The following PPP5C variants were observed in gnomAD, a reference collection of about 807,000 sequenced individuals.
PPP5C encodes serine/threonine-protein phosphatase 5.
A neutral mutation model predicts 66.7 loss-of-function variants in PPP5C; 21 were observed. The ratio of observed to expected loss-of-function variants is 0.31; its 90% CI spans 0.22 to 0.45. The LOEUF is 0.45. Ranked by LOEUF, PPP5C falls within the 20% of genes least tolerant of loss-of-function variation. The pLI is 1.00. For missense variants in PPP5C, 464 were observed against 675.9 expected (o/e 0.69, Z 3.48); for synonymous variants, 246 against 257.4 (o/e 0.96, Z 0.43).
rs572051034 is a variant in PPP5C, at chr19:46,375,991, C to G, written c.511+240C>G. Among the ~76,000 whole-genome samples, 15 of 152,302 alleles carry G rather than the reference C, an allele frequency of 9.8e-5. 1 individual carries two copies. In the South Asian group the frequency reaches 3.1e-3, roughly 32 times the overall value. ...CCCTGCCATTTCACGGGCCCTTCCTCCGGGTAGTAGCACAGTCCCCACAGG... is the reference window on the plus strand; with the variant it reads ...CCCTGCCATTTCACGGGCCCTTCCTGCGGGTAGTAGCACAGTCCCCACAGG... On this transcript the variant is annotated intron_variant, in intron 3 of 12. Coordinates refer to ENST00000012443, the MANE Select transcript of PPP5C (RefSeq NM_006247.4).
Position 46,389,460 on chromosome 19 carries a change from C to CACACACAG in PPP5C, c.1356-590_1356-589insCACACAGA, listed in dbSNP as rs1568580025. Among the ~76,000 whole-genome samples the CACACACAG allele has an allele frequency of 5.0e-5, 6 of 120,804 alleles. No homozygotes were observed. The East Asian group carries it at 7.9e-4, about 16-fold the overall frequency. The allele number at this position is 120,804 out of a possible 152,430, so 79.3% of individuals were successfully genotyped here. Reference sequence around the variant, plus strand: ...ACACACACACACACACACACACACACAGTGTTGATCCCTTGCCCCCACCCG... The same window carrying CACACACAG: ...ACACACACACACACACACACACACACACACACAGAGTGTTGATCCCTTGCCCCCACCCG... On this transcript the variant is annotated intron_variant, in intron 11 of 12. Transcript: ENST00000012443.
In PPP5C at chr19:46,350,198, C is replaced by A. The variant is rs1601408265; in HGVS notation, c.121+2981C>A. ...GAGGCCAGACCAGGGCTGGGTGGGG[C>A]TGGAGGGTGAGAAGGGAGTGGCTGA... On this transcript the variant is annotated intron_variant, in intron 1 of 12. Coordinates refer to ENST00000012443, the MANE Select transcript of PPP5C (RefSeq NM_006247.4). 2.6e-5 allele frequency among the ~76,000 whole-genome samples: 4 copies of A among 152,144 alleles called. 1 individual carries two copies. Among genetic ancestry groups the A allele is most frequent in the Admixed American group, 2.6e-4 (4 of 15,284 alleles).
Position 46,390,968 on chromosome 19 carries a change from G to A in PPP5C, c.*622G>A, listed in dbSNP as rs2147413151. ...CGCTGGCCGGGCCCACCCAGCTCTG[G>A]GCTGACCGCCCAAGTGGCCTCTGCC... On this transcript the variant is annotated 3_prime_UTR_variant, in exon 13 of 13. Coordinates refer to ENST00000012443, the MANE Select transcript of PPP5C (RefSeq NM_006247.4). The A allele has an allele frequency of 8.3e-7, 1 of 1,200,242 alleles. No individual in the cohort carries two copies. Among genetic ancestry groups the A allele is most frequent in the Non-Finnish European group, 1.1e-6 (1 of 944,104 alleles). The allele number at this position is 1,200,242 out of a possible 1,614,324, so 74.3% of individuals were successfully genotyped here.
In PPP5C at chr19:46,383,918, C is replaced by A. The variant is rs1307669024; in HGVS notation, c.798+40C>A. 1.3e-6 allele frequency: 2 copies of A among 1,503,236 alleles called. No individual in the cohort carries two copies. The highest frequency in any genetic ancestry group is 3.3e-5 in the Admixed American group (2 of 59,812). The allele number at this position is 1,503,236 out of a possible 1,614,324, so 93.1% of individuals were successfully genotyped here. On this transcript the variant is annotated intron_variant, in intron 6 of 12. Transcript: ENST00000012443. The surrounding 1 kb of genome is among the most constrained non-coding windows in gnomAD (Gnocchi z 5.0). ...AGAGCCACCCTCTCCCCACCTCCAC[C>A]CCCAGCCGCAGCCTCAGGTCTGCAC...
At chr19:46,363,128 G>A (rs1474085381) in intron 2 of PPP5C, among the ~76,000 whole-genome samples, 1 of 144,590 alleles carries the variant, frequency 6.9e-6, no homozygotes. Context: ...CTAAAACGGT[G>A]AAACCCCGTC....
At chr19:46,361,293 C>CGTATTTTTT (rs1309298231) in intron 2 of PPP5C, among the ~76,000 whole-genome samples, 1 of 150,934 alleles carries the variant, frequency 6.6e-6, no homozygotes, top group Non-Finnish European at 1.5e-5. Context: ...CCACGCCCAG[C>CGTATTTTTT]GTATTTTTTG....
intron 6 of PPP5C, chr19:46,384,143 G>A (rs532612040): frequency 4.3e-4 from 216 of 499,720 alleles, no homozygotes; most frequent in Admixed American, 6.6e-4. Context: ...GCTTGTCTTC[G>A]TCTGCCTCAG....
intron 1 of PPP5C, among the ~76,000 whole-genome samples, chr19:46,347,635 G>A (rs73940682): frequency 1.4e-5 from 2 of 147,380 alleles, no homozygotes; most frequent in Non-Finnish European, 3.0e-5. Flanking sequence ...AATAGAGAAG[G>A]CAATCGTGGG....
chr19:46,375,525 CCCAGGG>C (rs1972676788), intron 2 of PPP5C, 73 bp from the exon 3 acceptor site: 1 of 1,565,670 alleles, frequency 6.4e-7, no homozygotes, highest in Non-Finnish European at 8.7e-7. Flanking sequence ...TTTCATGGAA[CCCAGGG>C]CTGGGCAGCC....
At position 46,388,014 on chromosome 19, in the gene PPP5C, G is replaced by A; in HGVS notation, c.1136-394G>A. Reference sequence around the variant, plus strand: ...GCGAGTGGGCAGGGCTGTGCTTTGAGGGCTGACATTGGACATGGGGTTCAC... The same window carrying A: ...GCGAGTGGGCAGGGCTGTGCTTTGAAGGCTGACATTGGACATGGGGTTCAC... On this transcript the variant is annotated intron_variant, in intron 9 of 12. Transcript: ENST00000012443. The surrounding 1 kb of genome is among the most constrained non-coding windows in gnomAD (Gnocchi z 4.9). 3.6e-6 allele frequency: 1 copy of A among 274,102 alleles called. No homozygotes were observed. The highest frequency in any genetic ancestry group is 7.0e-6 in the Non-Finnish European group (1 of 142,004). 17.0% of individuals were successfully genotyped at this position (274,102 alleles called of 1,614,324 possible).
At chr19:46,374,989 C>T (rs1351744636) in intron 2 of PPP5C, among the ~76,000 whole-genome samples, 1 of 152,194 alleles carries the variant, frequency 6.6e-6, no homozygotes, top group African/African-American at 2.4e-5. Flanking sequence ...TGTCCTGGGC[C>T]TCCCCAGAGT....
Position 46,383,941 on chromosome 19 carries a change from C to T in PPP5C, c.798+63C>T. On this transcript the variant is annotated intron_variant, in intron 6 of 12. Coordinates refer to ENST00000012443, the MANE Select transcript of PPP5C (RefSeq NM_006247.4). This position sits in a 1 kb window ranked among gnomAD's most constrained non-coding sequence, Gnocchi z 5.0. The stretch of plus-strand genomic sequence containing the variant: ...ACCCCCAGCCGCAGCCTCAGGTCTG[C>T]ACAGAGTGGGAGGAGCCCTTGCCAG... The T allele has an allele frequency of 7.3e-7, 1 of 1,370,752 alleles. No individual in the cohort carries two copies. Among genetic ancestry groups the T allele is most frequent in the Non-Finnish European group, 1.0e-6 (1 of 962,848 alleles). The allele number at this position is 1,370,752 out of a possible 1,614,324, so 84.9% of individuals were successfully genotyped here. A position where few individuals can be genotyped will look rare whatever the true frequency, so the allele number is the denominator to read the frequency against.
rs571739986 is a variant in PPP5C, at chr19:46,369,894, C to G, written c.364-5710C>G. On this transcript the variant is annotated intron_variant, in intron 2 of 12. Transcript: ENST00000012443. ...TGAGCCGAGATCAAGCCATTGCACT[C>G]CAGCCTGGGCAGCAGAGCGAGACTC... Among the ~76,000 whole-genome samples the G allele has an allele frequency of 2.7e-5, 4 of 149,248 alleles. No homozygotes were observed. The East Asian group carries it at 7.8e-4, about 29-fold the overall frequency.
At position 46,376,384 on chromosome 19, in the gene PPP5C, A is replaced by G; in HGVS notation, c.512-69A>G. 2 of 1,578,576 alleles carry G rather than the reference A, an allele frequency of 1.3e-6. No homozygotes were observed. The highest frequency in any genetic ancestry group is 8.6e-7 in the Non-Finnish European group (1 of 1,158,274). ...CACCCAAGTTTTCCCCATCCCTGGG[A>G]GCGAGACCCCCTTCTCCCTCATAGT... On this transcript the variant is annotated intron_variant, in intron 3 of 12. Transcript: ENST00000012443. This position sits in a 1 kb window ranked among gnomAD's most constrained non-coding sequence, Gnocchi z 5.1.
intron 2 of PPP5C, among the ~76,000 whole-genome samples, chr19:46,372,428 G>A (rs1016980957): frequency 6.6e-6 from 1 of 151,940 alleles, no homozygotes; most frequent in Admixed American, 6.6e-5. Flanking sequence ...GTCCAGGCTG[G>A]TCTTGAACTC....
At chr19:46,349,693 CTG>C (rs1000842765) in intron 1 of PPP5C, among the ~76,000 whole-genome samples, 59 of 152,090 alleles carry the variant, frequency 3.9e-4, no homozygotes, top group African/African-American at 1.4e-3. Context: ...CATGCAGAGA[CTG>C]GACTCCAGGG....
chr19:46,361,589 TA>T (rs935838226), intron 2 of PPP5C, among the ~76,000 whole-genome samples: 19,693 of 85,238 alleles, frequency 0.23, 1,930 homozygotes, highest in East Asian at 0.43. Flanking sequence ...TACTAAAAAT[TA>T]AAAAAAAAAA....
At chr19:46,355,964 G>A (rs541239954) in intron 2 of PPP5C, among the ~76,000 whole-genome samples, 68 of 152,270 alleles carry the variant, frequency 4.5e-4, no homozygotes, top group African/African-American at 1.6e-3. Flanking sequence ...TCTTCGTCAA[G>A]TGTGGGGCTG....
rs1973006671 is a variant in PPP5C at position 46,390,715 on chromosome 19, A to G, written c.*369A>G. The stretch of plus-strand genomic sequence containing the variant: ...CCCCGCCATAGGAAGACCCCCAGAG[A>G]GAGGGTCAGCAGGGGGGCCCCGCCT... On this transcript the variant is annotated 3_prime_UTR_variant, in exon 13 of 13. Coordinates refer to ENST00000012443, the MANE Select transcript of PPP5C (RefSeq NM_006247.4). The G allele has an allele frequency of 8.6e-7, 1 of 1,161,646 alleles. No homozygotes were observed. The highest frequency in any genetic ancestry group is 1.1e-6 in the Non-Finnish European group (1 of 930,576). The allele number at this position is 1,161,646 out of a possible 1,614,324, so 72.0% of individuals were successfully genotyped here. A position where few individuals can be genotyped will look rare whatever the true frequency, so the allele number is the denominator to read the frequency against.
Sources: allele counts gnomAD v4.1 joint callset (sites outside exome capture counted in the v4.1 genomes callset), GRCh38; gene constraint gnomAD v4.1.1; non-coding constraint Gnocchi (gnomAD v3.1); transcripts MANE v1.5; gene names NCBI Gene and HGNC (gene_info 2026-07-23, HGNC 2026-07-21).